The following HERPUD2 variants were observed in gnomAD, a reference collection of about 807,000 sequenced individuals.
HERPUD2 encodes the protein homocysteine-responsive endoplasmic reticulum-resident ubiquitin-like domain member 2 protein.
HERPUD2 carries 13 observed loss-of-function variants against 49.9 expected under a neutral mutation model. The observed-to-expected ratio is 0.26, with a 90% CI of 0.17 to 0.41. The LOEUF (loss-of-function observed/expected upper bound fraction) is 0.41, where lower values mean the gene tolerates loss of function less well. Among genes scored for constraint, HERPUD2 ranks in the 10% least tolerant of loss-of-function variants. The pLI, the probability that HERPUD2 is intolerant of heterozygous loss-of-function variation, is 1.00. For missense variants in HERPUD2, 449 were observed against 492.2 expected (o/e 0.91, Z 0.83); for synonymous variants, 172 against 171.4 (o/e 1.00, Z -0.03).
chr7:35,660,706 C>A (rs911914813), intron 5 of HERPUD2, among the ~76,000 whole-genome samples: 2 of 152,136 alleles, frequency 1.3e-5, no homozygotes, highest in African/African-American at 4.8e-5. Context: ...ATATACTTTG[C>A]CCACTTGTTG....
At chr7:35,638,287 T>C (rs1784903259) in intron 6 of HERPUD2, 63 bp downstream of exon 6, 1 of 1,461,378 alleles carries the variant, frequency 6.8e-7, no homozygotes. Context: ...TTACTTAGGA[T>C]AAAAAGAAAA....
intron 5 of HERPUD2, among the ~76,000 whole-genome samples, chr7:35,666,947 T>C (rs1785549358): frequency 6.6e-6 from 1 of 152,214 alleles, no homozygotes; most frequent in Non-Finnish European, 1.5e-5. Context: ...GTTTAAAAAC[T>C]TTTAAAAACA....
At chr7:35,684,709 CA>C (rs1403294710) in intron 2 of HERPUD2, among the ~76,000 whole-genome samples, 1 of 152,044 alleles carries the variant, frequency 6.6e-6, no homozygotes, top group Non-Finnish European at 1.5e-5. Flanking sequence ...GATACAAAGG[CA>C]TAAGAATGAC....
intron 2 of HERPUD2, among the ~76,000 whole-genome samples, chr7:35,691,772 C>T (rs779612065): frequency 1.3e-5 from 2 of 152,144 alleles, no homozygotes; most frequent in Admixed American, 6.5e-5. Flanking sequence ...AAATAATGAC[C>T]TTACAAAGTA....
At chr7:35,674,634 T>C (rs1466603349) in intron 2 of HERPUD2, among the ~76,000 whole-genome samples, 1 of 151,356 alleles carries the variant, frequency 6.6e-6, no homozygotes, top group Non-Finnish European at 1.5e-5. Flanking sequence ...ACCAACAAAG[T>C]GATTAGAAGG....
chr7:35,694,669 G>A (rs1264933261), intron 1 of HERPUD2, 42 bp from the exon 2 acceptor site: 2 of 280,038 alleles, frequency 7.1e-6, no homozygotes, highest in East Asian at 7.1e-5. Flanking sequence ...CACAACGGCC[G>A]GCCCGGGGTC....
chr7:35,686,378 G>A (rs1454703258), intron 2 of HERPUD2, among the ~76,000 whole-genome samples: 7 of 147,306 alleles, frequency 4.8e-5, no homozygotes, highest in South Asian at 4.3e-4. Context: ...TAGTAGAGAC[G>A]GGGTTTCACC....
intron 3 of HERPUD2, among the ~76,000 whole-genome samples, chr7:35,671,594 T>C (rs1785646710): frequency 6.6e-6 from 1 of 152,106 alleles, no homozygotes; most frequent in Non-Finnish European, 1.5e-5. Context: ...TGGGAATGTT[T>C]CTATAAAACA....
rs145363156 is a variant in HERPUD2 at position 35,678,853 on chromosome 7, AATTTGTCAGAT to A, written c.148-5586_148-5576del. On this transcript the variant is annotated intron_variant, in intron 2 of 8. Coordinates refer to ENST00000311350, the MANE Select transcript of HERPUD2 (RefSeq NM_022373.5). ...TCCTATTAAACTGTAAAAGTAATGG[AATTTGTCAGAT>A]ATTTTATCACAAGCATCACTTCTAA... 5.4e-3 allele frequency among the ~76,000 whole-genome samples: 817 copies of A among 152,306 alleles called. 6 individuals carry two copies. Among genetic ancestry groups the A allele is most frequent in the African/African-American group, 0.019 (786 of 41,558 alleles).
intron 2 of HERPUD2, among the ~76,000 whole-genome samples, chr7:35,676,797 C>T (rs1295623537): frequency 6.6e-6 from 1 of 152,156 alleles, no homozygotes; most frequent in East Asian, 1.9e-4. Flanking sequence ...AAATACCTGC[C>T]ATTAGCAAAT....
At chr7:35,685,738 G>A (rs1028462399) in intron 2 of HERPUD2, among the ~76,000 whole-genome samples, 51 of 152,148 alleles carry the variant, frequency 3.4e-4, no homozygotes, top group Non-Finnish European at 6.8e-4. Flanking sequence ...AGCACTTTGG[G>A]AGGCCCAGCT....
chr7:35,667,419 C>G lies in HERPUD2; in HGVS notation c.494+15G>C. The G allele has an allele frequency of 6.3e-7, 1 of 1,599,844 alleles. No homozygotes were observed. Among genetic ancestry groups the G allele is most frequent in the Non-Finnish European group, 8.6e-7 (1 of 1,169,286 alleles). ...GGCCCCAATCACATTCCATAGCTAC[C>G]ACAATTTCACTTACCCTTGCATTAC... On this transcript the variant is annotated intron_variant, in intron 5 of 8. Coordinates refer to ENST00000311350, the MANE Select transcript of HERPUD2 (RefSeq NM_022373.5).
chr7:35,670,239 T>C lies in HERPUD2; in HGVS notation c.315A>G (p.Glu105=), dbSNP rs1369140929. Residue 105 remains glutamate, a synonymous_variant, in exon 4 of 9, where the codon GAA becomes GAG. Coordinates refer to ENST00000311350, the MANE Select transcript of HERPUD2 (RefSeq NM_022373.5). ...CAGAATTGCTGCTGGATGCCAATGC[T>C]TCATGACTTTCTCTATTGGTGCTGG... The part of the protein sequence containing the change: ...PKSSTNRESH[E]ALASSSNSSS... 5 of 1,579,626 alleles carry C rather than the reference T, an allele frequency of 3.2e-6. No individual in the cohort carries two copies. The highest frequency in any genetic ancestry group is 4.3e-6 in the Non-Finnish European group (5 of 1,157,762).
At chr7:35,635,108 C>T (rs748200184) in intron 7 of HERPUD2, 27 bp downstream of exon 7, 1 of 1,573,316 alleles carries the variant, frequency 6.4e-7, no homozygotes, top group Non-Finnish European at 8.7e-7. Flanking sequence ...GAAATTAAAC[C>T]ACAAAAAGTT....
intron 2 of HERPUD2, among the ~76,000 whole-genome samples, chr7:35,691,011 TATA>T (rs76884755): frequency 6.6e-6 from 1 of 152,206 alleles, no homozygotes; most frequent in Non-Finnish European, 1.5e-5. Context: ...ATCCCTCCTG[TATA>T]ATACTAGTCA....
chr7:35,640,472 C>T (rs913882366), intron 5 of HERPUD2, among the ~76,000 whole-genome samples: 21 of 152,102 alleles, frequency 1.4e-4, no homozygotes, highest in African/African-American at 4.8e-4. Flanking sequence ...CTGCATGCTG[C>T]CCAAAACATA....
intron 5 of HERPUD2, among the ~76,000 whole-genome samples, chr7:35,649,488 G>A (rs995681721): frequency 2.7e-4 from 41 of 152,258 alleles, no homozygotes; most frequent in African/African-American, 9.1e-4. Context: ...GTGACCGATG[G>A]TCTGTGACAC....
At chr7:35,680,707 C>T (rs1785864733) in intron 2 of HERPUD2, among the ~76,000 whole-genome samples, 1 of 152,226 alleles carries the variant, frequency 6.6e-6, no homozygotes, top group Non-Finnish European at 1.5e-5. Flanking sequence ...TAAAATCATC[C>T]CCTCAGTGAG....
In HERPUD2 at chr7:35,682,357, G is replaced by GTGTA. The variant is rs1315389393; in HGVS notation, c.148-9080_148-9079insTACA. Reference sequence around the variant, plus strand: ...TGTGTGTGTGTGTGTGTGTGTGTGTGTATATATATATATATATATATATAT... The same window carrying GTGTA: ...TGTGTGTGTGTGTGTGTGTGTGTGTGTGTATATATATATATATATATATATATAT... On this transcript the variant is annotated intron_variant, in intron 2 of 8. Transcript: ENST00000311350. Among the ~76,000 whole-genome samples, 6 of 25,826 alleles carry GTGTA rather than the reference G, an allele frequency of 2.3e-4. 1 individual carries two copies. Among genetic ancestry groups the GTGTA allele is most frequent in the African/African-American group, 8.6e-4 (6 of 6,964 alleles). 16.9% of individuals were successfully genotyped at this position (25,826 alleles called of 152,430 possible). A position where few individuals can be genotyped will look rare whatever the true frequency, so the allele number is the denominator to read the frequency against.
Sources: gnomAD v4.1 joint callset for allele counts (sites outside exome capture counted in the v4.1 genomes callset) on GRCh38, gnomAD v4.1.1 for gene constraint, MANE v1.5 for transcripts, NCBI Gene and HGNC (gene_info 2026-07-23, HGNC 2026-07-21) for gene names.